Variants in SYT1 observed in about 807,000 individuals in gnomAD.
The protein encoded by SYT1 is synaptotagmin 1, also known as synaptotagmin-1.
In SYT1, 8 loss-of-function variants were observed where a neutral mutation model predicts 44.8. The observed-to-expected ratio is 0.18, with a 90% CI of 0.10 to 0.32. The LOEUF (loss-of-function observed/expected upper bound fraction) is 0.32, where lower values mean the gene tolerates loss of function less well. Ranked by LOEUF, SYT1 falls within the 10% of genes least tolerant of loss-of-function variation. The pLI is 1.00. For missense variants in SYT1, 286 were observed against 509.3 expected (o/e 0.56, Z 4.22); for synonymous variants, 154 against 188.8 (o/e 0.82, Z 1.51).
chr12:79,367,135 T>C (rs1191948224), intron 9 of SYT1, among the ~76,000 whole-genome samples: 1 of 152,124 alleles, frequency 6.6e-6, no homozygotes, highest in Non-Finnish European at 1.5e-5. Flanking sequence ...AGCTATTTAT[T>C]TGAGTTAAGA....
intron 8 of SYT1, among the ~76,000 whole-genome samples, chr12:79,352,099 A>G (rs1882929522): frequency 6.6e-6 from 1 of 150,844 alleles, no homozygotes; most frequent in South Asian, 2.1e-4. Flanking sequence ...AAGAGGCACT[A>G]TTTCTCCCTC....
At chr12:78,881,599 T>G (rs1874458351) in intron 1 of SYT1, among the ~76,000 whole-genome samples, 2 of 151,752 alleles carry the variant, frequency 1.3e-5, no homozygotes. Flanking sequence ...AGGCATTTTC[T>G]AACTGTGTTT....
chr12:79,440,614 CTTATT>C (rs1222086879), intron 9 of SYT1, among the ~76,000 whole-genome samples: 1 of 152,126 alleles, frequency 6.6e-6, no homozygotes, highest in Admixed American at 6.5e-5. Flanking sequence ...TTCATTACAT[CTTATT>C]TTATTATTTC....
chr12:79,082,632 T>G (rs1877111177), intron 3 of SYT1, among the ~76,000 whole-genome samples: 1 of 152,208 alleles, frequency 6.6e-6, no homozygotes. Context: ...GGGAAGAGGA[T>G]GGCTTGAATA....
intron 3 of SYT1, among the ~76,000 whole-genome samples, chr12:79,084,966 A>T (rs565375409): frequency 6.6e-6 from 1 of 152,212 alleles, no homozygotes; most frequent in East Asian, 1.9e-4. Context: ...TGGGTTTGGG[A>T]CCCAAATCTA....
chr12:78,985,031 A>T (rs1022153845), intron 2 of SYT1, among the ~76,000 whole-genome samples: 4 of 152,016 alleles, frequency 2.6e-5, no homozygotes, highest in African/African-American at 7.2e-5. Flanking sequence ...ATACCATTAC[A>T]AGACACATTG....
At chr12:79,283,148 CA>C (rs1879135908) in intron 4 of SYT1, among the ~76,000 whole-genome samples, 1 of 152,048 alleles carries the variant, frequency 6.6e-6, no homozygotes, top group African/African-American at 2.4e-5. Flanking sequence ...TATAGCTATA[CA>C]AAATGATAAC....
chr12:79,161,343 G>T (rs1179333086), intron 3 of SYT1, among the ~76,000 whole-genome samples: 3 of 152,070 alleles, frequency 2.0e-5, no homozygotes, highest in Non-Finnish European at 4.4e-5. Context: ...TTTGCCTAGA[G>T]TATTCAGTAC....
chr12:79,372,186 CT>C (rs770549098), intron 9 of SYT1, among the ~76,000 whole-genome samples: 12 of 152,288 alleles, frequency 7.9e-5, no homozygotes, highest in Non-Finnish European at 1.6e-4. Context: ...ACTTAATTCA[CT>C]TTTGCATAAC....
chr12:79,122,242 C>T (rs935392242), intron 3 of SYT1, among the ~76,000 whole-genome samples: 18 of 151,926 alleles, frequency 1.2e-4, no homozygotes, highest in East Asian at 3.9e-4. Context: ...AGGCCGGGCG[C>T]GGTGGCTCAC....
intron 2 of SYT1, among the ~76,000 whole-genome samples, chr12:79,037,254 C>G (rs897988019): frequency 1.3e-5 from 2 of 151,482 alleles, no homozygotes; most frequent in African/African-American, 4.8e-5. Context: ...ATTAACTTCC[C>G]CAAGCTTCTC....
intron 1 of SYT1, among the ~76,000 whole-genome samples, chr12:78,937,844 T>C (rs985983519): frequency 6.6e-6 from 1 of 152,166 alleles, no homozygotes; most frequent in African/African-American, 2.4e-5. Context: ...CTGGATAATT[T>C]TTATTTCTCT....
At chr12:78,944,414 AG>A (rs550563939) in intron 1 of SYT1, among the ~76,000 whole-genome samples, 40 of 152,108 alleles carry the variant, frequency 2.6e-4, no homozygotes, top group African/African-American at 7.7e-4. Flanking sequence ...AAGTGGAAAA[AG>A]CTTCTAACTC....
intron 1 of SYT1, among the ~76,000 whole-genome samples, chr12:78,937,119 G>A (rs1448888516): frequency 2.0e-5 from 3 of 152,188 alleles, no homozygotes; most frequent in Non-Finnish European, 4.4e-5. Flanking sequence ...TAAGAAAAAA[G>A]AGATCAAGGG....
chr12:79,369,964 T>C (rs1883713714), intron 9 of SYT1, among the ~76,000 whole-genome samples: 1 of 152,228 alleles, frequency 6.6e-6, no homozygotes, highest in Non-Finnish European at 1.5e-5. Context: ...AAGATATTTC[T>C]TTTTATTTCT....
intron 3 of SYT1, among the ~76,000 whole-genome samples, chr12:79,211,900 C>T (rs1366155668): frequency 6.6e-6 from 1 of 152,080 alleles, no homozygotes; most frequent in African/African-American, 2.4e-5. Context: ...TGCCCAGTTT[C>T]TTGTACCCTC....
intron 4 of SYT1, among the ~76,000 whole-genome samples, chr12:79,273,912 C>T (rs1012285889): frequency 4.6e-5 from 7 of 152,082 alleles, no homozygotes; most frequent in Admixed American, 2.0e-4. Flanking sequence ...GGTGAAACCC[C>T]GTCTCTACTA....
chr12:79,197,520 T>C (rs1873532781), intron 3 of SYT1, among the ~76,000 whole-genome samples: 1 of 152,090 alleles, frequency 6.6e-6, no homozygotes, highest in Admixed American at 6.6e-5. Flanking sequence ...ATAAAAATAA[T>C]CAAGAACATT....
At chr12:79,387,927 T>G (rs1424594393) in intron 9 of SYT1, among the ~76,000 whole-genome samples, 2 of 152,238 alleles carry the variant, frequency 1.3e-5, no homozygotes, top group East Asian at 3.8e-4. Context: ...TGCTGGGAGT[T>G]AGAATGGTTT....
Sources: allele counts gnomAD v4.1 joint callset (sites outside exome capture counted in the v4.1 genomes callset), GRCh38; gene constraint gnomAD v4.1.1; transcripts MANE v1.5; gene names NCBI Gene and HGNC (gene_info 2026-07-23, HGNC 2026-07-21).